Variants in IL1RAPL1 observed in about 807,000 individuals in gnomAD.
The protein encoded by IL1RAPL1 is interleukin-1 receptor accessory protein-like 1.
In IL1RAPL1, 3 loss-of-function variants were observed where a neutral mutation model predicts 48.4. The ratio of observed to expected loss-of-function variants is 0.06; its 90% confidence interval spans 0.03 to 0.16. The LOEUF (loss-of-function observed/expected upper bound fraction) is 0.16. Among genes scored for constraint, IL1RAPL1 ranks in the 10% least tolerant of loss-of-function variants. The probability of loss-of-function intolerance (pLI) is 1.00; values close to 1 mark genes in which losing one functional copy is unlikely to be tolerated. For missense variants in IL1RAPL1, 349 were observed against 530.6 expected (o/e 0.66, Z 3.36); for synonymous variants, 185 against 187.7 (o/e 0.99, Z 0.12).
intron 2 of IL1RAPL1, among the ~76,000 whole-genome samples, chrX:29,054,735 GC>G (rs1207996348): frequency 8.9e-6 from 1 of 112,243 alleles, no homozygotes; most frequent in Non-Finnish European, 1.9e-5. Flanking sequence ...GGGCACTGGA[GC>G]CATCTCAGCC....
intron 6 of IL1RAPL1, among the ~76,000 whole-genome samples, chrX:29,669,812 T>C (rs1386722335): frequency 9.0e-6 from 1 of 111,599 alleles, no homozygotes; most frequent in Non-Finnish European, 1.9e-5. Context: ...ATGAAGCAAA[T>C]AGGTGTACTC....
intron 1 of IL1RAPL1, among the ~76,000 whole-genome samples, chrX:28,650,491 C>A (rs771143959): frequency 9.0e-6 from 1 of 111,542 alleles, no homozygotes; most frequent in African/African-American, 3.3e-5. Context: ...AGACCTGCCC[C>A]CATGATTCAA....
At chrX:28,606,180 T>C (rs73630061) in intron 1 of IL1RAPL1, among the ~76,000 whole-genome samples, 8,786 of 111,841 alleles carry the variant, frequency 0.079, 289 homozygotes, top group African/African-American at 0.12. Flanking sequence ...TCCCAAGCAC[T>C]GAGAATGCTA....
chrX:29,213,826 C>A (rs1329022176), intron 2 of IL1RAPL1, among the ~76,000 whole-genome samples: 1 of 112,205 alleles, frequency 8.9e-6, no homozygotes, highest in Non-Finnish European at 1.9e-5. Flanking sequence ...CCAGCACCTA[C>A]CTATTTCCCC....
chrX:28,677,795 C>A (rs917414720), intron 1 of IL1RAPL1, among the ~76,000 whole-genome samples: 1 of 110,818 alleles, frequency 9.0e-6, no homozygotes, highest in African/African-American at 3.3e-5. Context: ...CCTGTATTGG[C>A]CAGGCTGGTC....
intron 1 of IL1RAPL1, among the ~76,000 whole-genome samples, chrX:28,750,169 T>A (rs1021058507): frequency 1.8e-5 from 2 of 110,765 alleles, no homozygotes; most frequent in African/African-American, 6.6e-5. Flanking sequence ...GCCAGGCTGG[T>A]CTCAAACTCA....
chrX:28,793,374 T>TTTCC (rs771915549), intron 2 of IL1RAPL1, among the ~76,000 whole-genome samples: 8 of 108,441 alleles, frequency 7.4e-5, no homozygotes, highest in Admixed American at 6.8e-4. Flanking sequence ...CTTTTTGTTC[T>TTTCC]TTCCTTCCTT....
chrX:29,166,679 T>C lies in IL1RAPL1; in HGVS notation c.83-116259T>C, dbSNP rs1330127637. ...TCCTGTTGGTCTTAATAACTTCCCA[T>C]TGCTCCCAAATCCTTAATGAGACCA... On this transcript the variant is annotated intron_variant, in intron 2 of 10. Transcript: ENST00000378993. 1.8e-5 allele frequency among the ~76,000 whole-genome samples: 2 copies of C among 111,955 alleles called. 1 individual carries two copies. Among genetic ancestry groups the C allele is most frequent in the Non-Finnish European group, 3.8e-5 (2 of 53,200 alleles).
chrX:29,145,990 T>C (rs993865222), intron 2 of IL1RAPL1, among the ~76,000 whole-genome samples: 2 of 111,692 alleles, frequency 1.8e-5, no homozygotes, highest in Non-Finnish European at 3.8e-5. Flanking sequence ...ATCAATTCAC[T>C]CTTAACTCTG....
At chrX:29,475,387 TAA>T (rs1249898704) in intron 5 of IL1RAPL1, among the ~76,000 whole-genome samples, 1 of 112,039 alleles carries the variant, frequency 8.9e-6, no homozygotes, top group East Asian at 2.8e-4. Context: ...AATTAGCATA[TAA>T]AGATATGAGT....
At chrX:28,844,971 A>G (rs1423505435) in intron 2 of IL1RAPL1, among the ~76,000 whole-genome samples, 1 of 111,671 alleles carries the variant, frequency 9.0e-6, no homozygotes, top group African/African-American at 3.2e-5. Flanking sequence ...GATTACCTAT[A>G]TCTTGAGTGA....
At chrX:29,012,703 C>T (rs1053485286) in intron 2 of IL1RAPL1, among the ~76,000 whole-genome samples, 1 of 111,888 alleles carries the variant, frequency 8.9e-6, no homozygotes, top group Non-Finnish European at 1.9e-5. Flanking sequence ...AGATGATGCT[C>T]GCTGCAGCAG....
At chrX:28,968,810 G>C (rs758181966) in intron 2 of IL1RAPL1, among the ~76,000 whole-genome samples, 9 of 112,728 alleles carry the variant, frequency 8.0e-5, no homozygotes, top group African/African-American at 2.9e-4. Flanking sequence ...TATAGAGATG[G>C]GATGAGTGCA....
Position 29,850,586 on chromosome X carries a change from C to T in IL1RAPL1, c.779-66878C>T, listed in dbSNP as rs1193111271. 3.6e-5 allele frequency among the ~76,000 whole-genome samples: 4 copies of T among 112,373 alleles called. No homozygotes were observed. The South Asian group carries it at 1.1e-3, about 31-fold the overall frequency. ...GACCACCCTCTCCCCTGCTGGAGCC[C>T]GTAAGGCTCGGTGTGGGTGGCGACT... On this transcript the variant is annotated intron_variant, in intron 6 of 10. Coordinates refer to ENST00000378993, the MANE Select transcript of IL1RAPL1 (RefSeq NM_014271.4).
At chrX:28,759,030 C>T (rs1173664376) in intron 1 of IL1RAPL1, among the ~76,000 whole-genome samples, 1 of 111,783 alleles carries the variant, frequency 8.9e-6, no homozygotes, top group Non-Finnish European at 1.9e-5. Flanking sequence ...TAAGGTCAGG[C>T]GTTCAAGACC....
intron 2 of IL1RAPL1, among the ~76,000 whole-genome samples, chrX:29,268,479 G>A (rs2147589387): frequency 9.0e-6 from 1 of 111,466 alleles, no homozygotes; most frequent in East Asian, 2.8e-4. Flanking sequence ...ACAAAGATAA[G>A]AACTTGGCAT....
intron 5 of IL1RAPL1, among the ~76,000 whole-genome samples, chrX:29,474,617 C>T (rs953655449): frequency 3.6e-5 from 4 of 111,651 alleles, no homozygotes; most frequent in African/African-American, 1.3e-4. Context: ...AAGGAGGAAG[C>T]CTGTTTATCG....
intron 1 of IL1RAPL1, among the ~76,000 whole-genome samples, chrX:28,641,163 C>T (rs1180327344): frequency 1.8e-5 from 2 of 109,472 alleles, no homozygotes; most frequent in South Asian, 4.1e-4. Context: ...TTGCTGCACC[C>T]GTCAACCTGT....
intron 2 of IL1RAPL1, among the ~76,000 whole-genome samples, chrX:29,135,515 T>A (rs1234069253): frequency 8.9e-6 from 1 of 111,951 alleles, no homozygotes; most frequent in Non-Finnish European, 1.9e-5. Flanking sequence ...AATTATACAA[T>A]AAATTTCACA....
Sources: gnomAD v4.1 joint callset for allele counts (sites outside exome capture counted in the v4.1 genomes callset) on GRCh38, gnomAD v4.1.1 for gene constraint, MANE v1.5 for transcripts, NCBI Gene and HGNC (gene_info 2026-07-23, HGNC 2026-07-21) for gene names.